Variants in IMMP2L observed in about 807,000 individuals in gnomAD.
IMMP2L encodes the protein mitochondrial inner membrane protease subunit 2.
Under a neutral mutation model 19.3 loss-of-function variants are expected in IMMP2L, and 18 were observed. The ratio of observed to expected loss-of-function variants is 0.93; its 90% CI spans 0.64 to 1.38. The LOEUF (loss-of-function observed/expected upper bound fraction) is 1.38. Among genes scored for constraint, IMMP2L ranks in the 40% most tolerant of loss-of-function variants. The probability of loss-of-function intolerance (pLI) is 0.00; values close to 1 mark genes in which losing one functional copy is unlikely to be tolerated. For synonymous variants in IMMP2L, 76 were observed against 73.0 expected (o/e 1.04, Z -0.21); for missense variants, 233 against 218.2 (o/e 1.07, Z -0.43).
At chr7:111,540,797 G>T (rs747646318) in intron 1 of IMMP2L, among the ~76,000 whole-genome samples, 12 of 151,804 alleles carry the variant, frequency 7.9e-5, no homozygotes, top group Non-Finnish European at 1.2e-4. Flanking sequence ...TGTAGATATG[G>T]TTTATATTAC....
At chr7:111,514,151 A>G (rs1050625136) in intron 2 of IMMP2L, among the ~76,000 whole-genome samples, 1 of 152,094 alleles carries the variant, frequency 6.6e-6, no homozygotes, top group Non-Finnish European at 1.5e-5. Flanking sequence ...TGTATTATAC[A>G]CTCGAATTTT....
At chr7:110,701,016 A>G (rs1794247836) in intron 5 of IMMP2L, among the ~76,000 whole-genome samples, 1 of 152,216 alleles carries the variant, frequency 6.6e-6, no homozygotes, top group African/African-American at 2.4e-5. Context: ...TAACAGACCT[A>G]AATTATTATG....
intron 3 of IMMP2L, among the ~76,000 whole-genome samples, chr7:111,013,015 A>C (rs1002993377): frequency 6.6e-6 from 1 of 152,198 alleles, no homozygotes; most frequent in Non-Finnish European, 1.5e-5. Context: ...ACTAGGTACA[A>C]GAACTATAGC....
At chr7:110,673,695 A>G (rs773235094) in intron 5 of IMMP2L, among the ~76,000 whole-genome samples, 5 of 152,216 alleles carry the variant, frequency 3.3e-5, no homozygotes, top group Admixed American at 1.3e-4. Context: ...TTGCTAAAGC[A>G]TAACAAAAGT....
rs115476560 is a variant in IMMP2L at position 110,726,987 on chromosome 7, A to G, written c.409-63266T>C. Among the ~76,000 whole-genome samples the G allele has an allele frequency of 5.3e-3, 808 of 152,320 alleles. 10 individuals carry two copies. Among genetic ancestry groups the G allele is most frequent in the African/African-American group, 0.019 (771 of 41,564 alleles). On this transcript the variant is annotated intron_variant, in intron 5 of 5. Transcript: ENST00000405709. ...TCAAGATCTCAACAAAAAACACAGGAGGGACCATTGGCTTTATTAGCAAGA... is the reference window on the plus strand; with the variant it reads ...TCAAGATCTCAACAAAAAACACAGGGGGGACCATTGGCTTTATTAGCAAGA...
chr7:111,251,168 TAGAGAAATAAAAA>T, intron 3 of IMMP2L, among the ~76,000 whole-genome samples: 1 of 152,100 alleles, frequency 6.6e-6, no homozygotes, highest in Non-Finnish European at 1.5e-5. Context: ...CACTCATCAT[TAGAGAAATAAAAA>T]TCAAAATCAC....
chr7:110,706,612 C>T (rs1325523589), intron 5 of IMMP2L, among the ~76,000 whole-genome samples: 1 of 152,118 alleles, frequency 6.6e-6, no homozygotes, highest in African/African-American at 2.4e-5. Context: ...ACTGGTGATG[C>T]TGAGCATTTT....
intron 3 of IMMP2L, among the ~76,000 whole-genome samples, chr7:111,092,424 T>C (rs1254053341): frequency 6.6e-6 from 1 of 152,234 alleles, no homozygotes; most frequent in African/African-American, 2.4e-5. Flanking sequence ...TTTAACAATA[T>C]GTCCTTGTTT....
At chr7:111,387,155 G>A (rs557810014) in intron 3 of IMMP2L, among the ~76,000 whole-genome samples, 2 of 152,136 alleles carry the variant, frequency 1.3e-5, no homozygotes, top group African/African-American at 2.4e-5. Flanking sequence ...TGAGGTTCCT[G>A]CAGATAACAT....
At chr7:111,422,889 T>G (rs1353209084) in intron 3 of IMMP2L, among the ~76,000 whole-genome samples, 1 of 151,818 alleles carries the variant, frequency 6.6e-6, no homozygotes, top group South Asian at 2.1e-4. Context: ...TGAGATATGT[T>G]TCATCAATAC....
chr7:111,138,394 G>A (rs1271890717), intron 3 of IMMP2L, among the ~76,000 whole-genome samples: 1 of 152,112 alleles, frequency 6.6e-6, no homozygotes, highest in East Asian at 1.9e-4. Flanking sequence ...CAGCCCTCCA[G>A]CACTGGCATT....
chr7:111,148,515 A>G (rs570808814), intron 3 of IMMP2L, among the ~76,000 whole-genome samples: 1 of 152,206 alleles, frequency 6.6e-6, no homozygotes, highest in Non-Finnish European at 1.5e-5. Context: ...CCTACAGTAT[A>G]TGAATTATAT....
At chr7:110,718,437 A>C (rs563846193) in intron 5 of IMMP2L, among the ~76,000 whole-genome samples, 2 of 152,284 alleles carry the variant, frequency 1.3e-5, no homozygotes, top group East Asian at 3.9e-4. Context: ...AATAAATTCT[A>C]GTTGCTTGCA....
chr7:110,989,490 T>G (rs1470516766), intron 3 of IMMP2L, among the ~76,000 whole-genome samples: 2 of 130,392 alleles, frequency 1.5e-5, no homozygotes, highest in Admixed American at 1.7e-4. Flanking sequence ...AAGGATGTAG[T>G]GAGCACTCCA....
intron 3 of IMMP2L, among the ~76,000 whole-genome samples, chr7:111,260,568 T>C (rs982754560): frequency 6.6e-6 from 1 of 152,142 alleles, no homozygotes; most frequent in African/African-American, 2.4e-5. Context: ...AATTTTGGGA[T>C]GGCACCTATA....
At chr7:111,503,454 T>A (rs1465248455) in intron 2 of IMMP2L, among the ~76,000 whole-genome samples, 1 of 152,094 alleles carries the variant, frequency 6.6e-6, no homozygotes, top group East Asian at 1.9e-4. Context: ...GAGGGAATCC[T>A]CCCTAACTCA....
intron 3 of IMMP2L, among the ~76,000 whole-genome samples, chr7:111,108,929 G>C (rs1586323203): frequency 6.6e-6 from 1 of 152,088 alleles, no homozygotes; most frequent in Admixed American, 6.6e-5. Context: ...CAATATTCTA[G>C]CTAGGCATTG....
intron 3 of IMMP2L, among the ~76,000 whole-genome samples, chr7:111,354,835 A>G (rs1181703093): frequency 6.6e-6 from 1 of 151,896 alleles, no homozygotes; most frequent in Non-Finnish European, 1.5e-5. Context: ...GTTTATATGA[A>G]GACAACTATA....
chr7:111,065,318 T>C (rs144787618), intron 3 of IMMP2L, among the ~76,000 whole-genome samples: 4 of 152,336 alleles, frequency 2.6e-5, no homozygotes, highest in East Asian at 3.9e-4. Flanking sequence ...TTTCCGGTTG[T>C]AGAAAGGATA....
Sources: allele counts gnomAD v4.1 joint callset (sites outside exome capture counted in the v4.1 genomes callset), GRCh38; gene constraint gnomAD v4.1.1; transcripts MANE v1.5; gene names NCBI Gene and HGNC (gene_info 2026-07-23, HGNC 2026-07-21).